GRID2: variants seen among roughly 807,000 people sequenced by gnomAD.
GRID2 encodes glutamate receptor ionotropic, delta-2.
Under a neutral mutation model 114.8 loss-of-function variants are expected in GRID2, and 33 were observed. The ratio of observed to expected loss-of-function variants is 0.29; its 90% CI spans 0.22 to 0.38. The LOEUF (loss-of-function observed/expected upper bound fraction) is 0.38. Among genes scored for constraint, GRID2 ranks in the 10% least tolerant of loss-of-function variants. The pLI, the probability that GRID2 is intolerant of heterozygous loss-of-function variation, is 1.00. For synonymous variants in GRID2, 505 were observed against 449.9 expected, an observed-to-expected ratio of 1.12 and a Z score of -1.55; for missense variants, 1,184 against 1,257.7, an observed-to-expected ratio of 0.94 and a Z score of 0.89.
intron 2 of GRID2, among the ~76,000 whole-genome samples, chr4:92,612,942 C>T (rs1346471232): frequency 6.6e-6 from 1 of 151,156 alleles, no homozygotes; most frequent in African/African-American, 2.4e-5. Context: ...GTTGCAGTGG[C>T]TTGAACCTCC....
At chr4:92,834,732 A>G (rs190917063) in intron 2 of GRID2, among the ~76,000 whole-genome samples, 5 of 152,256 alleles carry the variant, frequency 3.3e-5, no homozygotes, top group Admixed American at 3.3e-4. Flanking sequence ...GGAAGTACTA[A>G]TATTTCTTTG....
At chr4:92,981,647 G>A (rs1284189840) in intron 2 of GRID2, among the ~76,000 whole-genome samples, 2 of 151,738 alleles carry the variant, frequency 1.3e-5, no homozygotes, top group African/African-American at 4.8e-5. Context: ...AGTTGAAGCT[G>A]GATTTGTGGG....
At chr4:93,757,559 G>A (rs931683179) in intron 14 of GRID2, among the ~76,000 whole-genome samples, 11 of 152,198 alleles carry the variant, frequency 7.2e-5, no homozygotes, top group African/African-American at 2.7e-4. Context: ...GCCTTCTCTT[G>A]TGCTGCCCCA....
Position 92,904,492 on chromosome 4 carries a change from C to G in GRID2, c.245-180503C>G, listed in dbSNP as rs371091575. 9.2e-5 allele frequency among the ~76,000 whole-genome samples: 14 copies of G among 151,728 alleles called. No individual in the cohort carries two copies. The East Asian group carries it at 2.7e-3, about 29-fold the overall frequency. Reference sequence around the variant, plus strand: ...TTTGGATATTGCTGCTTTTTATTGCCACAAAAGAGTACATAAGCATTTAGC... The same window carrying G: ...TTTGGATATTGCTGCTTTTTATTGCGACAAAAGAGTACATAAGCATTTAGC... On this transcript the variant is annotated intron_variant, in intron 2 of 15. Transcript: ENST00000282020.
chr4:92,443,483 C>T (rs977561520), intron 1 of GRID2, among the ~76,000 whole-genome samples: 19 of 147,244 alleles, frequency 1.3e-4, no homozygotes, highest in South Asian at 1.3e-3. Flanking sequence ...AGTAGAGAAA[C>T]GGAGGGAAGG....
intron 1 of GRID2, among the ~76,000 whole-genome samples, chr4:92,559,722 A>AT (rs1220798514): frequency 6.6e-6 from 1 of 152,192 alleles, no homozygotes; most frequent in Non-Finnish European, 1.5e-5. Context: ...ATATTAAAAC[A>AT]TGGATCAACT....
At chr4:93,435,357 A>T (rs1720974103) in intron 10 of GRID2, among the ~76,000 whole-genome samples, 1 of 152,136 alleles carries the variant, frequency 6.6e-6, no homozygotes, top group Non-Finnish European at 1.5e-5. Context: ...CTTTATATAA[A>T]ATGTTTTTAT....
At position 92,928,605 on chromosome 4, in the gene GRID2, A is replaced by G. The variant is rs1363540526; in HGVS notation, c.245-156390A>G. Among the ~76,000 whole-genome samples, 9 of 151,610 alleles carry G rather than the reference A, an allele frequency of 5.9e-5. 1 individual carries two copies. In the East Asian group the frequency reaches 1.7e-3, roughly 29 times the overall value. Reference sequence around the variant, plus strand: ...TAATTTCTCCTAACATTTACTTGAGATGCATTCTTGTGATTTATTTAAAGA... The same window carrying G: ...TAATTTCTCCTAACATTTACTTGAGGTGCATTCTTGTGATTTATTTAAAGA... On this transcript the variant is annotated intron_variant, in intron 2 of 15. Coordinates refer to ENST00000282020, the MANE Select transcript of GRID2 (RefSeq NM_001510.4).
At chr4:92,586,355 T>TACACACAC (rs200184543) in intron 1 of GRID2, among the ~76,000 whole-genome samples, 3 of 145,896 alleles carry the variant, frequency 2.1e-5, no homozygotes, top group South Asian at 4.4e-4. Flanking sequence ...ACAAAAAATC[T>TACACACAC]ACACACACAC....
intron 1 of GRID2, among the ~76,000 whole-genome samples, chr4:92,312,100 A>T (rs1725738721): frequency 1.3e-5 from 2 of 152,000 alleles, no homozygotes; most frequent in African/African-American, 2.4e-5. Context: ...AATGACGGCC[A>T]TGAGATAAGA....
At chr4:92,917,288 A>C (rs925350425) in intron 2 of GRID2, among the ~76,000 whole-genome samples, 1 of 151,952 alleles carries the variant, frequency 6.6e-6, no homozygotes, top group Non-Finnish European at 1.5e-5. Context: ...AGATTGCAAA[A>C]ATTTTCTCCC....
At chr4:92,394,132 A>G (rs1246989311) in intron 1 of GRID2, among the ~76,000 whole-genome samples, 1 of 152,144 alleles carries the variant, frequency 6.6e-6, no homozygotes, top group African/African-American at 2.4e-5. Context: ...GAAATGCCTC[A>G]TTGTCCAACT....
intron 2 of GRID2, among the ~76,000 whole-genome samples, chr4:92,777,666 C>G (rs1395006589): frequency 6.6e-6 from 1 of 150,876 alleles, no homozygotes; most frequent in Admixed American, 6.6e-5. Flanking sequence ...GTCATCGAGC[C>G]ATGCCCTAAT....
chr4:93,016,877 T>C (rs1722799255), intron 2 of GRID2, among the ~76,000 whole-genome samples: 1 of 152,186 alleles, frequency 6.6e-6, no homozygotes, highest in Admixed American at 6.5e-5. Context: ...GGTTTGAAAT[T>C]TTGTCTATTT....
At chr4:92,656,929 G>A (rs1480578125) in intron 2 of GRID2, among the ~76,000 whole-genome samples, 1 of 151,532 alleles carries the variant, frequency 6.6e-6, no homozygotes, top group East Asian at 1.9e-4. Flanking sequence ...CTGAAGCAAA[G>A]GAATATAGAG....
chr4:92,462,710 A>T (rs1005974561), intron 1 of GRID2, among the ~76,000 whole-genome samples: 1 of 135,962 alleles, frequency 7.4e-6, no homozygotes, highest in African/African-American at 2.5e-5. Flanking sequence ...TGATCGGTTT[A>T]AAAAAAAAGT....
chr4:93,402,854 C>T (rs1388346201), intron 9 of GRID2, among the ~76,000 whole-genome samples: 1 of 152,124 alleles, frequency 6.6e-6, no homozygotes, highest in Non-Finnish European at 1.5e-5. Flanking sequence ...ACAAATGCCT[C>T]CAGTGATAGT....
rs985247224 is a variant in GRID2 at position 93,139,103 on chromosome 4, G to A, written c.735+28150G>A. Among the ~76,000 whole-genome samples, 3 of 152,212 alleles carry A rather than the reference G, an allele frequency of 2.0e-5. No individual in the cohort carries two copies. The South Asian group carries it at 6.2e-4, about 31-fold the overall frequency. On this transcript the variant is annotated intron_variant, in intron 4 of 15. Transcript: ENST00000282020. ...CTCAAATTACAGTATCTCAAGAAGA[G>A]TATACCACAGTGAATCTGTTTACAA...
intron 1 of GRID2, among the ~76,000 whole-genome samples, chr4:92,576,645 C>T (rs1727910720): frequency 6.6e-6 from 1 of 152,160 alleles, no homozygotes; most frequent in Non-Finnish European, 1.5e-5. Flanking sequence ...TCTCCTGAGA[C>T]TTTGCCCAGC....
Sources: gnomAD v4.1 joint callset for allele counts (sites outside exome capture counted in the v4.1 genomes callset) on GRCh38, gnomAD v4.1.1 for gene constraint, MANE v1.5 for transcripts, NCBI Gene and HGNC (gene_info 2026-07-23, HGNC 2026-07-21) for gene names.